Variants in CTNNA2 observed in about 807,000 individuals in gnomAD.
CTNNA2 encodes catenin alpha 2.
In CTNNA2, 42 loss-of-function variants were observed where a neutral mutation model predicts 101.0. The observed-to-expected ratio is 0.42, with a 90% CI of 0.32 to 0.54. CTNNA2 has a LOEUF of 0.54. CTNNA2 is among the 20% of genes least tolerant of loss of function. The pLI, the probability that CTNNA2 is intolerant of heterozygous loss-of-function variation, is 0.14. For synonymous variants in CTNNA2, 450 were observed against 456.4 expected (o/e 0.99, Z 0.18); for missense variants, 871 against 1,223.1 (o/e 0.71, Z 4.29).
chr2:80,461,270 T>A (rs1430701714), intron 9 of CTNNA2, among the ~76,000 whole-genome samples: 1 of 152,168 alleles, frequency 6.6e-6, no homozygotes, highest in African/African-American at 2.4e-5. Context: ...CCCCCATGCC[T>A]GACATGATGT....
chr2:79,334,333 A>G (rs1323659166), intron 3 of CTNNA2, among the ~76,000 whole-genome samples: 2 of 152,026 alleles, frequency 1.3e-5, no homozygotes, highest in Non-Finnish European at 2.9e-5. Flanking sequence ...AAAGAGTATA[A>G]CTCCAAAACA....
chr2:79,221,630 G>A (rs751137397), intron 2 of CTNNA2, among the ~76,000 whole-genome samples: 5 of 151,770 alleles, frequency 3.3e-5, no homozygotes, highest in Middle Eastern at 6.9e-3. Flanking sequence ...AAACTGACAA[G>A]TCTGTATTGT....
intron 7 of CTNNA2, among the ~76,000 whole-genome samples, chr2:80,344,610 A>G (rs572030914): frequency 1.3e-5 from 2 of 152,048 alleles, no homozygotes; most frequent in Non-Finnish European, 2.9e-5. Context: ...CCAGCATCCC[A>G]AGTAGCTGAG....
rs868448163 is a variant in CTNNA2 at position 79,963,096 on chromosome 2, A to T, written c.1056+53299A>T. Among the ~76,000 whole-genome samples the T allele has an allele frequency of 2.6e-3, 362 of 140,010 alleles. 4 individuals are homozygous for T. Among genetic ancestry groups the T allele is most frequent in the African/African-American group, 8.9e-3 (343 of 38,622 alleles). 91.9% of individuals were successfully genotyped at this position (140,010 alleles called of 152,430 possible). ...AAAAAAAAAAAAAAAAAAAAAAAAAATGTTACACAAAATTGTGTCTCACAT... is the reference window on the plus strand; with the variant it reads ...AAAAAAAAAAAAAAAAAAAAAAAAATTGTTACACAAAATTGTGTCTCACAT... On this transcript the variant is annotated intron_variant, in intron 7 of 18. Transcript: ENST00000402739.
chr2:80,341,363 C>T (rs149099092), intron 7 of CTNNA2, among the ~76,000 whole-genome samples: 16 of 152,078 alleles, frequency 1.1e-4, no homozygotes, highest in African/African-American at 2.9e-4. Context: ...ATAGAAAAGA[C>T]GCTCATCACT....
At chr2:79,509,754 G>A (rs996263949), upstream of CTNNA2, among the ~76,000 whole-genome samples, 1 of 152,146 alleles carries the variant, frequency 6.6e-6, no homozygotes, top group Non-Finnish European at 1.5e-5. Flanking sequence ...TATGGACTTT[G>A]GTGATGATGA....
chr2:79,662,490 C>A (rs12621251), intron 2 of CTNNA2, among the ~76,000 whole-genome samples: 95,869 of 151,794 alleles, frequency 0.63, 30,507 homozygotes, highest in East Asian at 0.8. Flanking sequence ...AGATTGGGGG[C>A]GGTTAGCTAA....
intron 7 of CTNNA2, among the ~76,000 whole-genome samples, chr2:80,095,944 CA>C (rs956125851): frequency 2.0e-5 from 3 of 151,986 alleles, no homozygotes; most frequent in Admixed American, 2.0e-4. Flanking sequence ...TTGATCTTTT[CA>C]AAAAACCAGC....
At chr2:79,288,358 T>A (rs1675683365) in intron 2 of CTNNA2, among the ~76,000 whole-genome samples, 1 of 152,218 alleles carries the variant, frequency 6.6e-6, no homozygotes, top group Non-Finnish European at 1.5e-5. Context: ...GAAAACTTAG[T>A]GAATAAAACT....
At chr2:80,514,502 C>G (rs964016036) in intron 9 of CTNNA2, among the ~76,000 whole-genome samples, 1 of 152,110 alleles carries the variant, frequency 6.6e-6, no homozygotes, top group African/African-American at 2.4e-5. Context: ...CTCGGTAAGT[C>G]CCAAGCTCTT....
intron 7 of CTNNA2, among the ~76,000 whole-genome samples, chr2:80,062,888 G>A (rs1308868482): frequency 2.0e-5 from 3 of 152,082 alleles, no homozygotes; most frequent in African/African-American, 2.4e-5. Flanking sequence ...TGTATTTTTA[G>A]CAGAGATGGG....
At chr2:79,762,051 TTCG>T (rs1558907089) in intron 3 of CTNNA2, among the ~76,000 whole-genome samples, 1 of 152,204 alleles carries the variant, frequency 6.6e-6, no homozygotes, top group Non-Finnish European at 1.5e-5. Context: ...GCAGAAGGGC[TTCG>T]TCGTTAATTA....
At chr2:79,589,752 A>G (rs1410005281) in intron 1 of CTNNA2, among the ~76,000 whole-genome samples, 1 of 150,242 alleles carries the variant, frequency 6.7e-6, no homozygotes, top group African/African-American at 2.4e-5. Context: ...TCCTAAGAGC[A>G]TCAGGACGGC....
At chr2:79,904,955 T>C (rs1315314819) in intron 6 of CTNNA2, among the ~76,000 whole-genome samples, 3 of 152,222 alleles carry the variant, frequency 2.0e-5, no homozygotes, top group Non-Finnish European at 4.4e-5. Flanking sequence ...TGCTAAATTA[T>C]TTTAGGTTAA....
chr2:79,352,154 G>T (rs574985767), intron 3 of CTNNA2, among the ~76,000 whole-genome samples: 1 of 151,668 alleles, frequency 6.6e-6, no homozygotes, highest in African/African-American at 2.4e-5. Context: ...GTTTTTATTT[G>T]CATTTCTCTA....
intron 9 of CTNNA2, among the ~76,000 whole-genome samples, chr2:80,435,544 ACTGATTTCTTTTTAACTAAGGCAG>A (rs1403393652): frequency 6.6e-6 from 1 of 152,204 alleles, no homozygotes; most frequent in African/African-American, 2.4e-5. Flanking sequence ...GGATTCTCCC[ACTGATTTCTTTTTAACTAAGGCAG>A]CTAGCTTAAA....
At chr2:79,294,583 C>G (rs958735387) in intron 2 of CTNNA2, among the ~76,000 whole-genome samples, 1 of 152,134 alleles carries the variant, frequency 6.6e-6, no homozygotes, top group African/African-American at 2.4e-5. Flanking sequence ...TCACATGGTA[C>G]TAACAAGATA....
intron 3 of CTNNA2, among the ~76,000 whole-genome samples, chr2:79,830,618 A>T (rs1300020247): frequency 6.6e-6 from 1 of 152,210 alleles, no homozygotes; most frequent in Non-Finnish European, 1.5e-5. Context: ...GATCCACCCC[A>T]GGAAGATAAT....
At chr2:79,804,422 G>A (rs1676403792) in intron 3 of CTNNA2, among the ~76,000 whole-genome samples, 1 of 152,040 alleles carries the variant, frequency 6.6e-6, no homozygotes, top group African/African-American at 2.4e-5. Context: ...TGAGCAAAAT[G>A]AAAATAGTTA....
Sources: allele counts gnomAD v4.1 joint callset (sites outside exome capture counted in the v4.1 genomes callset), GRCh38; gene constraint gnomAD v4.1.1; transcripts MANE v1.5; gene names NCBI Gene and HGNC (gene_info 2026-07-23, HGNC 2026-07-21).